ZNF385D: variants seen among roughly 807,000 people sequenced by gnomAD.
ZNF385D encodes zinc finger protein 659.
ZNF385D carries 15 observed loss-of-function variants against 35.8 expected under a neutral mutation model. The observed-to-expected ratio is 0.42, with a 90% CI of 0.28 to 0.64. The LOEUF is 0.64. Among genes scored for constraint, ZNF385D ranks in the 30% least tolerant of loss-of-function variants. ZNF385D has a pLI of 0.23. For missense variants in ZNF385D, 474 were observed against 494.6 expected, an observed-to-expected ratio of 0.96 and a Z score of 0.39; for synonymous variants, 212 against 186.8, an observed-to-expected ratio of 1.13 and a Z score of -1.10.
chr3:22,320,238 C>A (rs1348944208), intron 2 of ZNF385D, among the ~76,000 whole-genome samples: 2 of 152,072 alleles, frequency 1.3e-5, no homozygotes, highest in African/African-American at 2.4e-5. Flanking sequence ...TGAGGTTTAT[C>A]TGAGTTGCTC....
intron 3 of ZNF385D, among the ~76,000 whole-genome samples, chr3:21,983,161 TTTATTA>T (rs1422785095): frequency 1.6e-4 from 10 of 64,168 alleles, no homozygotes; most frequent in African/African-American, 1.3e-3. Context: ...TTTATTTTAT[TTTATTA>T]TTTTTTTTTA....
At chr3:21,712,702 G>C (rs1355597465) in intron 1 of ZNF385D, among the ~76,000 whole-genome samples, 1 of 152,140 alleles carries the variant, frequency 6.6e-6, no homozygotes, top group African/African-American at 2.4e-5. Flanking sequence ...AAATATATAT[G>C]CACTTGAAAA....
At chr3:21,814,802 G>T (rs1208979182) in intron 3 of ZNF385D, among the ~76,000 whole-genome samples, 1 of 152,222 alleles carries the variant, frequency 6.6e-6, no homozygotes, top group Non-Finnish European at 1.5e-5. Flanking sequence ...AGGATATCCA[G>T]GAATTGAACT....
Position 22,203,636 on chromosome 3 carries a change from T to A in ZNF385D, c.107-34601A>T, listed in dbSNP as rs115082898. Among the ~76,000 whole-genome samples, 206 of 152,224 alleles carry A rather than the reference T, an allele frequency of 1.4e-3. 1 individual carries two copies. The highest frequency in any genetic ancestry group is 4.7e-3 in the African/African-American group (196 of 41,552). ...GAGGGAAGCCCACTGCTTCCCACAGTCACCACTAGCTGACTGAAGATCTCT... is the reference window on the plus strand; with the variant it reads ...GAGGGAAGCCCACTGCTTCCCACAGACACCACTAGCTGACTGAAGATCTCT... On this transcript the variant is annotated intron_variant, in intron 2 of 5. Coordinates refer to the ZNF385D transcript ENST00000494108.
At chr3:22,330,143 T>C (rs534295734) in intron 2 of ZNF385D, among the ~76,000 whole-genome samples, 23 of 152,344 alleles carry the variant, frequency 1.5e-4, no homozygotes, top group African/African-American at 5.0e-4. Context: ...GTACATATTT[T>C]ATTCTCAAAA....
At chr3:21,642,413 C>T (rs755636411) in intron 2 of ZNF385D, among the ~76,000 whole-genome samples, 7 of 151,986 alleles carry the variant, frequency 4.6e-5, no homozygotes, top group Non-Finnish European at 1.5e-5. Flanking sequence ...CAGTTAAACA[C>T]TGCCACTTCA....
At chr3:21,612,500 G>A (rs1469753155) in intron 2 of ZNF385D, among the ~76,000 whole-genome samples, 1 of 152,150 alleles carries the variant, frequency 6.6e-6, no homozygotes, top group African/African-American at 2.4e-5. Context: ...CTTCAAGCTA[G>A]TCAATTGGGG....
intron 1 of ZNF385D, among the ~76,000 whole-genome samples, chr3:21,701,653 G>A (rs1024577310): frequency 1.3e-5 from 2 of 152,118 alleles, no homozygotes; most frequent in Non-Finnish European, 2.9e-5. Flanking sequence ...CAAAGCAAGT[G>A]CCTTCTGCCT....
At chr3:21,662,706 C>T (rs1180163234) in intron 2 of ZNF385D, among the ~76,000 whole-genome samples, 1 of 152,092 alleles carries the variant, frequency 6.6e-6, no homozygotes, top group Admixed American at 6.6e-5. Context: ...GAAAAAGCAA[C>T]AGTTGGAGCA....
At chr3:21,838,239 T>C (rs774056254) in intron 3 of ZNF385D, among the ~76,000 whole-genome samples, 1 of 152,032 alleles carries the variant, frequency 6.6e-6, no homozygotes, top group South Asian at 2.1e-4. Context: ...GGGGAGACAA[T>C]GCAGGTGATA....
chr3:21,645,557 T>C (rs1015451710), intron 2 of ZNF385D, among the ~76,000 whole-genome samples: 13 of 152,162 alleles, frequency 8.5e-5, no homozygotes, highest in African/African-American at 3.1e-4. Context: ...GGCTGGGAAT[T>C]TGAGAAAAAT....
chr3:21,872,258 T>A (rs1267959053), intron 3 of ZNF385D, among the ~76,000 whole-genome samples: 1 of 152,142 alleles, frequency 6.6e-6, no homozygotes, highest in Non-Finnish European at 1.5e-5. Flanking sequence ...CAGTACAGAC[T>A]TAGTAAGGTT....
At chr3:21,863,339 T>C (rs1021934369) in intron 3 of ZNF385D, among the ~76,000 whole-genome samples, 18 of 152,304 alleles carry the variant, frequency 1.2e-4, no homozygotes, top group Non-Finnish European at 1.5e-4. Context: ...AGCATTTCAT[T>C]ATAACTTGTA....
At chr3:22,215,623 GC>G (rs777756844) in intron 2 of ZNF385D, among the ~76,000 whole-genome samples, 79 of 152,018 alleles carry the variant, frequency 5.2e-4, no homozygotes, top group Non-Finnish European at 5.4e-4. Flanking sequence ...GAAAATACTT[GC>G]CCGAAACTTC....
chr3:21,653,816 A>G (rs2065993603), intron 2 of ZNF385D, among the ~76,000 whole-genome samples: 1 of 152,042 alleles, frequency 6.6e-6, no homozygotes, highest in Admixed American at 6.6e-5. Context: ...AGCTCCATCT[A>G]TCTGAGTACA....
intron 3 of ZNF385D, among the ~76,000 whole-genome samples, chr3:22,019,522 C>A (rs991700832): frequency 2.0e-5 from 3 of 151,830 alleles, no homozygotes; most frequent in African/African-American, 2.4e-5. Context: ...CCTCTATATG[C>A]ATGAAAAATA....
chr3:21,583,142 G>GTGAT (rs1389799272), intron 2 of ZNF385D, among the ~76,000 whole-genome samples: 2 of 152,134 alleles, frequency 1.3e-5, no homozygotes, highest in African/African-American at 2.4e-5. Flanking sequence ...GTGCTGTTGG[G>GTGAT]TGATTGGTGG....
rs561501716 is a variant in ZNF385D at position 21,613,813 on chromosome 3, T to G, written c.166-49129A>C. ...AATCCACAGCTCAATTCCATGCACA[T>G]CATATCCACGTTTACTTGAGCAATC... On this transcript the variant is annotated intron_variant, in intron 2 of 7. Coordinates refer to ENST00000281523, the MANE Select transcript of ZNF385D (RefSeq NM_024697.3). Among the ~76,000 whole-genome samples, 3 of 152,298 alleles carry G rather than the reference T, an allele frequency of 2.0e-5. No individual in the cohort carries two copies. In the South Asian group the frequency reaches 6.2e-4, roughly 32 times the overall value.
intron 4 of ZNF385D, 50 bp downstream of exon 4, chr3:21,510,811 A>G: frequency 6.2e-7 from 1 of 1,607,516 alleles, no homozygotes; most frequent in Non-Finnish European, 8.5e-7. Context: ...AAGGGAGGGA[A>G]TCCCCAACGA....
Sources: gnomAD v4.1 joint callset for allele counts (sites outside exome capture counted in the v4.1 genomes callset) on GRCh38, gnomAD v4.1.1 for gene constraint, MANE v1.5 for transcripts, NCBI Gene and HGNC (gene_info 2026-07-23, HGNC 2026-07-21) for gene names.